NLGN1: variants seen among roughly 807,000 people sequenced by gnomAD.
NLGN1 encodes neuroligin 1.
A neutral mutation model predicts 65.5 loss-of-function variants in NLGN1; 12 were observed. The ratio of observed to expected loss-of-function variants is 0.18; its 90% confidence interval spans 0.12 to 0.30. The LOEUF is 0.30. NLGN1 is among the 10% of genes least tolerant of loss of function. NLGN1 has a pLI of 1.00. For synonymous variants in NLGN1, 350 were observed against 359.5 expected, an observed-to-expected ratio of 0.97 and a Z score of 0.30; for missense variants, 750 against 1,007.1, an observed-to-expected ratio of 0.74 and a Z score of 3.46.
intron 4 of NLGN1, among the ~76,000 whole-genome samples, chr3:174,057,003 A>G (rs1340067580): frequency 6.6e-6 from 1 of 151,708 alleles, no homozygotes; most frequent in Non-Finnish European, 1.5e-5. Context: ...GCCTAATTAC[A>G]TCCAGTCATT....
chr3:174,250,520 C>T (rs911842078), intron 4 of NLGN1, among the ~76,000 whole-genome samples: 7 of 151,878 alleles, frequency 4.6e-5, no homozygotes, highest in Non-Finnish European at 8.8e-5. Flanking sequence ...TTTAAGATGG[C>T]AAAGGAAACA....
At chr3:174,229,735 A>AC (rs2152815716) in intron 4 of NLGN1, among the ~76,000 whole-genome samples, 1 of 152,334 alleles carries the variant, frequency 6.6e-6, no homozygotes, top group East Asian at 1.9e-4. Context: ...AGAGGACATA[A>AC]CAAAATTCCA....
chr3:174,257,991 A>C (rs943322520), intron 4 of NLGN1, among the ~76,000 whole-genome samples: 2 of 151,154 alleles, frequency 1.3e-5, no homozygotes, highest in Non-Finnish European at 2.9e-5. Flanking sequence ...ATTTTTTGTA[A>C]ATTTAATTAA....
At chr3:174,268,466 T>C (rs1748705255) in intron 4 of NLGN1, among the ~76,000 whole-genome samples, 1 of 152,126 alleles carries the variant, frequency 6.6e-6, no homozygotes, top group Non-Finnish European at 1.5e-5. Context: ...ACTTTCTCCC[T>C]AGTATCTTGG....
exon 7 of NLGN1, chr3:174,281,628 AAAAAAT>A (rs1461912366): frequency 9.1e-6 from 2 of 218,584 alleles, no homozygotes; most frequent in South Asian, 1.2e-4. Flanking sequence ...TCTGAAATAT[AAAAAAT>A]AAAAATAAAA....
intron 4 of NLGN1, among the ~76,000 whole-genome samples, chr3:173,819,795 C>A (rs925790563): frequency 1.3e-5 from 2 of 152,150 alleles, no homozygotes; most frequent in African/African-American, 4.8e-5. Flanking sequence ...CAACAGACTG[C>A]TCTGCATACG....
At chr3:174,199,892 A>G (rs2152773154) in intron 4 of NLGN1, among the ~76,000 whole-genome samples, 1 of 152,334 alleles carries the variant, frequency 6.6e-6, no homozygotes, top group African/African-American at 2.4e-5. Context: ...CAGAGGAGGA[A>G]ATAAATACCA....
chr3:174,122,303 A>T (rs1474987694), intron 4 of NLGN1, among the ~76,000 whole-genome samples: 1 of 152,166 alleles, frequency 6.6e-6, no homozygotes, highest in African/African-American at 2.4e-5. Flanking sequence ...TAAAGTTTTA[A>T]CCCATTTGGA....
At chr3:173,527,618 C>T (rs930850544) in intron 2 of NLGN1, among the ~76,000 whole-genome samples, 2 of 152,160 alleles carry the variant, frequency 1.3e-5, no homozygotes, top group African/African-American at 2.4e-5. Flanking sequence ...AGGATAGTCT[C>T]GATCTCCTGA....
intron 1 of NLGN1, among the ~76,000 whole-genome samples, chr3:173,431,041 A>G (rs978732812): frequency 6.6e-6 from 1 of 152,192 alleles, no homozygotes; most frequent in Non-Finnish European, 1.5e-5. Context: ...TAATTGACTA[A>G]TTTATATCAG....
At chr3:173,488,984 A>G (rs1338107978) in intron 2 of NLGN1, among the ~76,000 whole-genome samples, 3 of 151,468 alleles carry the variant, frequency 2.0e-5, no homozygotes, top group Admixed American at 6.6e-5. Flanking sequence ...CATTTCACTA[A>G]TATCTCCTCA....
intron 2 of NLGN1, among the ~76,000 whole-genome samples, chr3:173,524,698 G>T (rs1311271503): frequency 1.3e-5 from 2 of 152,090 alleles, no homozygotes; most frequent in Non-Finnish European, 2.9e-5. Flanking sequence ...TTGGTTGTGG[G>T]TTTTTCATAT....
rs575539706 is a variant in NLGN1, at chr3:173,495,761, GA to G, written c.-321+60684del. 2.0e-3 allele frequency among the ~76,000 whole-genome samples: 288 copies of G among 146,070 alleles called. 9 individuals are homozygous for G. The highest frequency in any genetic ancestry group is 7.2e-3 in the African/African-American group (281 of 39,160). ...ATCTTAAGTGTATTATCATAATCAA[GA>G]TACAGTATATTAAACATCTCCACAA... is the stretch of plus-strand genomic sequence containing the variant. On this transcript the variant is annotated intron_variant, in intron 2 of 6. Coordinates refer to ENST00000457714, the Ensembl canonical transcript of NLGN1.
chr3:173,814,344 A>G (rs770826778), intron 4 of NLGN1, among the ~76,000 whole-genome samples: 3 of 152,238 alleles, frequency 2.0e-5, no homozygotes, highest in African/African-American at 4.8e-5. Flanking sequence ...TGTTATGTCA[A>G]CTGGGTTTTA....
intron 4 of NLGN1, among the ~76,000 whole-genome samples, chr3:173,822,733 C>G (rs1274385631): frequency 1.3e-5 from 2 of 152,020 alleles, no homozygotes; most frequent in Non-Finnish European, 1.5e-5. Context: ...AAAAGAGCTT[C>G]TCTGTGGCTT....
chr3:173,958,901 C>T (rs1257810747), intron 4 of NLGN1, among the ~76,000 whole-genome samples: 1 of 152,184 alleles, frequency 6.6e-6, no homozygotes. Context: ...GGGGTTGTCA[C>T]GTCAGTACTG....
chr3:174,277,526 A>C (rs1400262407), intron 5 of NLGN1, among the ~76,000 whole-genome samples: 1 of 151,828 alleles, frequency 6.6e-6, no homozygotes, highest in African/African-American at 2.4e-5. Flanking sequence ...TAGTTACACA[A>C]TTTTTATTTA....
At chr3:174,003,842 C>A (rs982516625) in intron 4 of NLGN1, among the ~76,000 whole-genome samples, 10 of 151,952 alleles carry the variant, frequency 6.6e-5, no homozygotes, top group Non-Finnish European at 1.3e-4. Flanking sequence ...ATTTTCAATG[C>A]AAAACTCAGA....
At chr3:174,240,909 C>T (rs1431560210) in intron 4 of NLGN1, among the ~76,000 whole-genome samples, 3 of 152,076 alleles carry the variant, frequency 2.0e-5, no homozygotes, top group Non-Finnish European at 4.4e-5. Flanking sequence ...CTACCATATT[C>T]CTCTGCTGTT....
Sources: allele counts gnomAD v4.1 joint callset (sites outside exome capture counted in the v4.1 genomes callset), GRCh38; gene constraint gnomAD v4.1.1; transcripts MANE v1.5; gene names NCBI Gene and HGNC (gene_info 2026-07-23, HGNC 2026-07-21).